The following ULK4 variants were observed in gnomAD, a reference collection of about 807,000 sequenced individuals.
The protein encoded by ULK4 is inactive serine/threonine-protein kinase ULK4.
In ULK4, 133 loss-of-function variants were observed where a neutral mutation model predicts 160.6. The ratio of observed to expected loss-of-function variants is 0.83; its 90% CI spans 0.72 to 0.96. The LOEUF (loss-of-function observed/expected upper bound fraction) is 0.96. Among genes scored for constraint, ULK4 ranks in the 40% least tolerant of loss-of-function variants. The probability of loss-of-function intolerance (pLI) is 0.00; values close to 1 mark genes in which losing one functional copy is unlikely to be tolerated. For missense variants in ULK4, 1,580 were observed against 1,499.5 expected, an observed-to-expected ratio of 1.05 and a Z score of -0.89; for synonymous variants, 534 against 539.8, an observed-to-expected ratio of 0.99 and a Z score of 0.15.
At chr3:41,849,385 A>G (rs2042150735) in intron 17 of ULK4, among the ~76,000 whole-genome samples, 1 of 152,188 alleles carries the variant, frequency 6.6e-6, no homozygotes, top group Non-Finnish European at 1.5e-5. Context: ...CAAAACACCA[A>G]CCACTAGAGA....
At chr3:41,894,802 CCA>C (rs1264147076) in intron 16 of ULK4, among the ~76,000 whole-genome samples, 1 of 152,134 alleles carries the variant, frequency 6.6e-6, no homozygotes, top group Non-Finnish European at 1.5e-5. Flanking sequence ...CTTGTCCCAC[CCA>C]CAGTCCCCAG....
chr3:41,508,136 A>T (rs1454648037), intron 32 of ULK4, among the ~76,000 whole-genome samples: 1 of 152,146 alleles, frequency 6.6e-6, no homozygotes, highest in East Asian at 1.9e-4. Flanking sequence ...AGGCTGCATG[A>T]GAGTAGGGTG....
At chr3:41,713,810 T>C (rs546020768) in intron 25 of ULK4, among the ~76,000 whole-genome samples, 2 of 152,146 alleles carry the variant, frequency 1.3e-5, no homozygotes, top group African/African-American at 4.8e-5. Flanking sequence ...CTCCCCAATA[T>C]ACATAGAATT....
chr3:41,289,331 G>T (rs1319046024), intron 35 of ULK4, among the ~76,000 whole-genome samples: 2 of 152,118 alleles, frequency 1.3e-5, no homozygotes, highest in Non-Finnish European at 2.9e-5. Context: ...ACAGTGCACC[G>T]AAAGGACTGG....
chr3:41,444,107 C>T (rs955925200), intron 34 of ULK4, among the ~76,000 whole-genome samples: 3 of 152,138 alleles, frequency 2.0e-5, no homozygotes, highest in Non-Finnish European at 2.9e-5. Context: ...AATCATAAGG[C>T]TTTCGATACA....
intron 18 of ULK4, among the ~76,000 whole-genome samples, chr3:41,829,864 T>G (rs111634789): frequency 3.9e-4 from 56 of 144,016 alleles, no homozygotes; most frequent in Admixed American, 4.8e-4. Flanking sequence ...TATTGCGGCA[T>G]TATTCACAAT....
chr3:41,930,724 C>A (rs982887976), intron 5 of ULK4, among the ~76,000 whole-genome samples: 1 of 152,078 alleles, frequency 6.6e-6, no homozygotes, highest in Admixed American at 6.6e-5. Flanking sequence ...ATGCGGCCAA[C>A]AAACATATGA....
Position 41,565,429 on chromosome 3 carries a change from A to G in ULK4, c.3226+596T>C, listed in dbSNP as rs2087750696. Among the ~76,000 whole-genome samples, 4 of 152,212 alleles carry G rather than the reference A, an allele frequency of 2.6e-5. No homozygotes were observed. In the South Asian group the frequency reaches 8.3e-4, roughly 32 times the overall value. ...TAATTCCCATTATAATGGCATTAAG[A>G]GGATGGGAAATCCAATTATGGTATT... On this transcript the variant is annotated intron_variant, in intron 32 of 36. Transcript: ENST00000301831.
At chr3:41,411,801 T>C (rs767149162) in intron 34 of ULK4, among the ~76,000 whole-genome samples, 5 of 152,122 alleles carry the variant, frequency 3.3e-5, no homozygotes, top group Non-Finnish European at 7.3e-5. Flanking sequence ...ACCTATAACC[T>C]GGAAGCCTCC....
intron 30 of ULK4, among the ~76,000 whole-genome samples, chr3:41,641,906 A>G (rs1016756621): frequency 2.2e-5 from 3 of 136,572 alleles, no homozygotes; most frequent in Non-Finnish European, 4.6e-5. Flanking sequence ...ACGGAGTTTC[A>G]CTCTTGCTGC....
chr3:41,332,161 G>A (rs893160601), intron 35 of ULK4, among the ~76,000 whole-genome samples: 1 of 151,728 alleles, frequency 6.6e-6, no homozygotes, highest in African/African-American at 2.4e-5. Context: ...GTAGAGTGCA[G>A]GATAGGGTTG....
At chr3:41,766,487 C>T (rs971363269) in intron 21 of ULK4, 3 of 152,220 alleles carry the variant, frequency 2.0e-5, no homozygotes, top group African/African-American at 7.2e-5. Context: ...GGGAGCCTTT[C>T]ACCTCATACC....
At chr3:41,615,104 G>A (rs56136328) in intron 31 of ULK4, among the ~76,000 whole-genome samples, 7,743 of 152,190 alleles carry the variant, frequency 0.051, 450 homozygotes, top group African/African-American at 0.14. Flanking sequence ...AGTTGACCCC[G>A]CATCCCATTT....
At chr3:41,720,763 C>T (rs1210070849) in intron 22 of ULK4, among the ~76,000 whole-genome samples, 1 of 152,148 alleles carries the variant, frequency 6.6e-6, no homozygotes, top group Non-Finnish European at 1.5e-5. Flanking sequence ...TCTGAGGATA[C>T]TGATACTCTA....
chr3:41,519,558 G>T (rs950011001), intron 32 of ULK4, among the ~76,000 whole-genome samples: 2 of 152,208 alleles, frequency 1.3e-5, no homozygotes, highest in Non-Finnish European at 2.9e-5. Context: ...CTGAAACACA[G>T]TGTGGTAGGG....
chr3:41,783,700 T>C (rs1479562780), intron 21 of ULK4, among the ~76,000 whole-genome samples: 2 of 152,154 alleles, frequency 1.3e-5, no homozygotes, highest in African/African-American at 4.8e-5. Context: ...CTCATATGAA[T>C]CCTAAAATTT....
rs898271234 is a variant in ULK4, at chr3:41,342,861, G to T, written c.3678+55218C>A. On this transcript the variant is annotated intron_variant, in intron 35 of 36. Transcript: ENST00000301831. ...GGCTTTATCCCCAGGAAGCGAGGTT[G>T]GTTCAACATATGCAAATCAATAAAT... Among the ~76,000 whole-genome samples the T allele has an allele frequency of 1.2e-4, 19 of 152,218 alleles. 1 individual carries two copies. The highest frequency in any genetic ancestry group is 4.6e-4 in the African/African-American group (19 of 41,518).
At chr3:41,667,181 C>CA (rs917049321) in intron 29 of ULK4, among the ~76,000 whole-genome samples, 63 of 150,278 alleles carry the variant, frequency 4.2e-4, no homozygotes, top group African/African-American at 1.3e-3. Flanking sequence ...AACACACACA[C>CA]AAAAAAAACA....
intron 30 of ULK4, among the ~76,000 whole-genome samples, chr3:41,659,500 A>T (rs1280027623): frequency 6.6e-6 from 1 of 152,216 alleles, no homozygotes; most frequent in Non-Finnish European, 1.5e-5. Flanking sequence ...CTTACTTGTA[A>T]GAGAAATACA....
Sources: gnomAD v4.1 joint callset for allele counts (sites outside exome capture counted in the v4.1 genomes callset) on GRCh38, gnomAD v4.1.1 for gene constraint, MANE v1.5 for transcripts, NCBI Gene and HGNC (gene_info 2026-07-23, HGNC 2026-07-21) for gene names.